CPB1: variants seen among roughly 807,000 people sequenced by gnomAD.
CPB1 encodes the protein carboxypeptidase B1, also known as carboxypeptidase B.
CPB1 carries 53 observed loss-of-function variants against 51.4 expected under a neutral mutation model. That is an observed-to-expected ratio of 1.03 (90% CI 0.83 to 1.30). The LOEUF (loss-of-function observed/expected upper bound fraction) is 1.30, where lower values mean the gene tolerates loss of function less well. CPB1 is among the 50% of genes most tolerant of loss of function. The pLI is 0.00. For missense variants in CPB1, 494 were observed against 516.2 expected, an observed-to-expected ratio of 0.96 and a Z score of 0.42; for synonymous variants, 189 against 186.9, an observed-to-expected ratio of 1.01 and a Z score of -0.09.
chr3:148,834,630 T>A lies in CPB1; in HGVS notation c.272+8T>A, dbSNP rs1413270868. On this transcript the variant is annotated splice_region_variant and intron_variant, in intron 3 of 10. Coordinates refer to ENST00000282957, the MANE Select transcript of CPB1 (RefSeq NM_001871.3). ...GAATGAACTACAATACAAGTAAGTT[T>A]ATGTTTTATAAATATTAAAATTCTC... The A allele has an allele frequency of 6.3e-7, 1 of 1,599,390 alleles. No individual in the cohort carries two copies. The highest frequency in any genetic ancestry group is 1.1e-5 in the South Asian group (1 of 90,040).
intron 3 of CPB1, 130 bp downstream of exon 3, chr3:148,834,752 T>C (rs9830213): frequency 0.92 from 694,593 of 752,852 alleles, 320,829 homozygotes; most frequent in East Asian, 1. Context: ...AAATAGGTAA[T>C]GGCAGAGCTG....
At chr3:148,831,614 A>C (rs767375383) in intron 2 of CPB1, among the ~76,000 whole-genome samples, 1 of 152,104 alleles carries the variant, frequency 6.6e-6, no homozygotes, top group Non-Finnish European at 1.5e-5. Context: ...AGGATTCTTT[A>C]GTTGTTAGGC....
intron 3 of CPB1, among the ~76,000 whole-genome samples, chr3:148,835,230 C>T (rs959280731): frequency 2.0e-5 from 3 of 152,172 alleles, no homozygotes; most frequent in African/African-American, 7.2e-5. Flanking sequence ...ACAAGAATGT[C>T]TTCCTAAGTA....
At chr3:148,829,490 A>G (rs987188537) in intron 2 of CPB1, among the ~76,000 whole-genome samples, 2 of 152,118 alleles carry the variant, frequency 1.3e-5, no homozygotes, top group African/African-American at 4.8e-5. Context: ...CACATGAATC[A>G]CCCTCAAACA....
chr3:148,846,918 G>T (rs180701790), intron 9 of CPB1, among the ~76,000 whole-genome samples: 52 of 140,914 alleles, frequency 3.7e-4, no homozygotes, highest in Admixed American at 1.3e-3. Context: ...TCACAGTATT[G>T]CTCTCCCAGA....
At chr3:148,853,734 A>T (rs1290372493) in intron 9 of CPB1, among the ~76,000 whole-genome samples, 2 of 152,214 alleles carry the variant, frequency 1.3e-5, no homozygotes, top group African/African-American at 2.4e-5. Flanking sequence ...TTCCAAGGCC[A>T]CAAGGAGAAG....
chr3:148,856,082 GC>G (rs1377732307), intron 9 of CPB1: 1 of 152,170 alleles, frequency 6.6e-6, no homozygotes, highest in Non-Finnish European at 1.5e-5. Flanking sequence ...AACAAGAGGA[GC>G]AATATATTTA....
intron 2 of CPB1, among the ~76,000 whole-genome samples, chr3:148,829,767 T>C (rs1712678109): frequency 6.6e-6 from 1 of 152,192 alleles, no homozygotes; most frequent in East Asian, 1.9e-4. Flanking sequence ...AGAGGCCTTC[T>C]TTACGTTTCA....
chr3:148,857,652 AG>A (rs1713620740), intron 10 of CPB1, 111 bp downstream of exon 10: 1 of 611,656 alleles, frequency 1.6e-6, no homozygotes, highest in Admixed American at 3.6e-5. Flanking sequence ...TTTGCCTCAC[AG>A]CAAATTTTTC....
In CPB1 at chr3:148,845,343, C is replaced by T. The variant is rs117846503; in HGVS notation, c.779-81C>T. ...TTGATAAGGACTCCTATGAAAACAA[C>T]TCCCTAATTTGAAAGTTTAAAACAT... On this transcript the variant is annotated intron_variant, in intron 8 of 10. Transcript: ENST00000282957. 1.0e-3 allele frequency: 1,257 copies of T among 1,261,368 alleles called. 15 individuals are homozygous for T. The East Asian group carries it at 0.024, about 24-fold the overall frequency. 78.1% of individuals were successfully genotyped at this position (1,261,368 alleles called of 1,614,324 possible).
Position 148,849,765 on chromosome 3 carries a change from A to T in CPB1, c.981+4139A>T, listed in dbSNP as rs1156388920. 2.6e-5 allele frequency among the ~76,000 whole-genome samples: 4 copies of T among 152,342 alleles called. No homozygotes were observed. The East Asian group carries it at 7.7e-4, about 29-fold the overall frequency. On this transcript the variant is annotated intron_variant, in intron 9 of 10. Transcript: ENST00000282957. ...GAAGCACAGAATGTTATGCCTAGAA[A>T]AGTCTTAGAAATTCTCTGGTCTGTT...
rs201011782 is a variant in CPB1 at position 148,846,756 on chromosome 3, C to T, written c.981+1130C>T. 4.8e-4 allele frequency among the ~76,000 whole-genome samples: 53 copies of T among 111,252 alleles called. 2 individuals are homozygous for T. Among genetic ancestry groups the T allele is most frequent in the African/African-American group, 1.6e-3 (49 of 30,718 alleles). The allele number at this position is 111,252 out of a possible 152,430, so 73.0% of individuals were successfully genotyped here. On this transcript the variant is annotated intron_variant, in intron 9 of 10. Transcript: ENST00000282957. ...CCAAAAATATATATATATATATATA[C>T]ATATATATATATATACACATATATA...
intron 3 of CPB1, among the ~76,000 whole-genome samples, chr3:148,837,535 A>T (rs1338154392): frequency 6.6e-6 from 1 of 152,032 alleles, no homozygotes; most frequent in East Asian, 1.9e-4. Flanking sequence ...AGCATATAAA[A>T]GTATAAAATA....
chr3:148,851,375 AAAAGAAAGAAAG>A (rs1182321242), intron 9 of CPB1: 1 of 144,276 alleles, frequency 6.9e-6, no homozygotes. Context: ...AAGAGAGAAA[AAAAGAAAGAAAG>A]AAAGAAAGAA....
intron 6 of CPB1, 31 bp downstream of exon 6, chr3:148,841,955 G>A: frequency 7.1e-7 from 1 of 1,413,468 alleles, no homozygotes; most frequent in Non-Finnish European, 1.0e-6. Flanking sequence ...TTGGCAAAGA[G>A]AAATGTATGT....
chr3:148,857,347 G>T (rs1046125075), intron 9 of CPB1, 110 bp from the exon 10 acceptor site: 19 of 764,584 alleles, frequency 2.5e-5, no homozygotes, highest in South Asian at 8.5e-5. Flanking sequence ...CATATAATAC[G>T]ATCCAAATTG....
chr3:148,828,715 A>C (rs1326209012), intron 2 of CPB1, among the ~76,000 whole-genome samples: 1 of 152,240 alleles, frequency 6.6e-6, no homozygotes, highest in African/African-American at 2.4e-5. Flanking sequence ...TGCTGACCAC[A>C]AATACAGTAG....
chr3:148,834,667 C>T (rs1180366680), intron 3 of CPB1, 45 bp downstream of exon 3: 2 of 1,562,780 alleles, frequency 1.3e-6, no homozygotes, highest in African/African-American at 1.4e-5. Context: ...CCCATGCATG[C>T]TTTCATCTGA....
At chr3:148,841,640 C>A (rs1302379604) in intron 5 of CPB1, among the ~76,000 whole-genome samples, 183 bp from the exon 6 acceptor site, 1 of 152,170 alleles carries the variant, frequency 6.6e-6, no homozygotes, top group Non-Finnish European at 1.5e-5. Flanking sequence ...TCAGCTCAAA[C>A]ATTGTGAGTC....
Sources: gnomAD v4.1 joint callset for allele counts (sites outside exome capture counted in the v4.1 genomes callset) on GRCh38, gnomAD v4.1.1 for gene constraint, MANE v1.5 for transcripts, NCBI Gene and HGNC (gene_info 2026-07-23, HGNC 2026-07-21) for gene names.